Variants in FOXK1 observed in about 807,000 individuals in gnomAD.
FOXK1 encodes the protein forkhead box K1.
FOXK1 carries 19 observed loss-of-function variants against 51.9 expected under a neutral mutation model. The ratio of observed to expected loss-of-function variants is 0.37; its 90% CI spans 0.26 to 0.54. The LOEUF (loss-of-function observed/expected upper bound fraction) is 0.54. Ranked by LOEUF, FOXK1 falls within the 20% of genes least tolerant of loss-of-function variation. The probability of loss-of-function intolerance (pLI) is 0.87; values close to 1 mark genes in which losing one functional copy is unlikely to be tolerated. For synonymous variants in FOXK1, 537 were observed against 482.6 expected, an observed-to-expected ratio of 1.11 and a Z score of -1.48; for missense variants, 870 against 1,032.7, an observed-to-expected ratio of 0.84 and a Z score of 2.16.
At chr7:4,746,516 A>C (rs1316211757) in intron 2 of FOXK1, among the ~76,000 whole-genome samples, 2 of 149,176 alleles carry the variant, frequency 1.3e-5, no homozygotes, top group South Asian at 4.3e-4. Flanking sequence ...CCCCATCTCT[A>C]AAAAAAAAAA....
chr7:4,691,390 A>G (rs1245771954), intron 1 of FOXK1, among the ~76,000 whole-genome samples: 2 of 152,220 alleles, frequency 1.3e-5, no homozygotes, highest in Admixed American at 1.3e-4. Flanking sequence ...GCTGGAGTGC[A>G]GTGGTGCAAT....
rs1199155663 is a variant in FOXK1 at position 4,734,117 on chromosome 7, C to T, written c.561-6721C>T. The stretch of plus-strand genomic sequence containing the variant: ...TGTGTTTTAACCTTAGTAACCGTGC[C>T]GCCCAGCTCCTAGAAGACACGCGAC... On this transcript the variant is annotated intron_variant, in intron 1 of 8. Transcript: ENST00000328914. The surrounding 1 kb of genome is among the most constrained non-coding windows in gnomAD (Gnocchi z 5.2). Among the ~76,000 whole-genome samples, 3 of 152,168 alleles carry T rather than the reference C, an allele frequency of 2.0e-5. No homozygotes were observed. The highest frequency in any genetic ancestry group is 3.9e-4 in the East Asian group (2 of 5,182).
In FOXK1 at chr7:4,762,309, A is replaced by G. The variant is rs750121455; in HGVS notation, c.2047A>G (p.Thr683Ala). ...AAAVAATATT[T>A]PATATTASAS... is the part of the protein sequence containing the mutation. Reference sequence around the variant, plus strand: ...AGCCGTCGCGGCCACGGCCACCACCACCCCAGCCACTGCCACCACCGCCTC... The same window carrying G: ...AGCCGTCGCGGCCACGGCCACCACCGCCCCAGCCACTGCCACCACCGCCTC... Residue 683 changes from threonine to alanine, a missense_variant, in exon 9 of 9, where the codon ACC becomes GCC. Physicochemically the swap from Thr to Ala is moderately conservative, Grantham distance 58. This residue lies in a region of FOXK1 where 457 missense variants were observed against 510.8 expected (regional missense o/e 0.89). Coordinates refer to ENST00000328914, the MANE Select transcript of FOXK1 (RefSeq NM_001037165.2). This position sits in a 1 kb window ranked among gnomAD's most constrained non-coding sequence, Gnocchi z 5.7. 16 of 1,545,964 alleles carry G rather than the reference A, an allele frequency of 1.0e-5. No individual in the cohort carries two copies. The highest frequency in any genetic ancestry group is 1.4e-5 in the African/African-American group (1 of 72,744).
chr7:4,751,701 C>T (rs1411350427), intron 2 of FOXK1, among the ~76,000 whole-genome samples: 2 of 152,206 alleles, frequency 1.3e-5, no homozygotes, highest in Non-Finnish European at 2.9e-5. Context: ...CTGGAGGAGC[C>T]ATGTGAACAA....
chr7:4,724,503 C>A (rs150688594), intron 1 of FOXK1, among the ~76,000 whole-genome samples: 3 of 152,320 alleles, frequency 2.0e-5, no homozygotes, highest in African/African-American at 7.2e-5. Flanking sequence ...GCCCAGAGTT[C>A]GCTTTTTCTT....
In FOXK1 at chr7:4,711,438, G is replaced by A. The variant is rs1434372923; in HGVS notation, c.560+28570G>A. Among the ~76,000 whole-genome samples, 1 of 152,130 alleles carries A rather than the reference G, an allele frequency of 6.6e-6. No homozygotes were observed. The highest frequency in any genetic ancestry group is 2.4e-5 in the African/African-American group (1 of 41,418). ...GGAGTGATTCCTGGATGTTGAGGAG[G>A]GAGAGATCTGGAGTTAAGGAAGATG... On this transcript the variant is annotated intron_variant, in intron 1 of 8. Coordinates refer to ENST00000328914, the MANE Select transcript of FOXK1 (RefSeq NM_001037165.2). The surrounding 1 kb of genome is among the most constrained non-coding windows in gnomAD (Gnocchi z 6.3).
chr7:4,760,056 G>A (rs11981101), intron 7 of FOXK1: 2,051 of 170,808 alleles, frequency 0.012, 41 homozygotes, highest in African/African-American at 0.047. Flanking sequence ...ATGAATCTCC[G>A]CAGATGTGTC....
chr7:4,690,013 G>A lies in FOXK1; in HGVS notation c.560+7145G>A, dbSNP rs552937498. 2.0e-4 allele frequency among the ~76,000 whole-genome samples: 31 copies of A among 152,298 alleles called. 1 individual carries two copies. The South Asian group carries it at 5.8e-3, about 29-fold the overall frequency. On this transcript the variant is annotated intron_variant, in intron 1 of 8. Transcript: ENST00000328914. ...GTGAAAACTCAGGTGGTGCTGTCTC[G>A]CTTCTCCACGTGAAGGATCAGCCTG...
chr7:4,704,465 A>AG (rs1043785942), intron 1 of FOXK1, among the ~76,000 whole-genome samples: 5 of 151,786 alleles, frequency 3.3e-5, no homozygotes, highest in Admixed American at 1.3e-4. Flanking sequence ...AAAAAAAAAA[A>AG]AAAGAAAAGA....
chr7:4,682,629 G>T lies in FOXK1; in HGVS notation c.321G>T (p.Ala107=). 1 of 1,532,076 alleles carries T rather than the reference G, an allele frequency of 6.5e-7. No homozygotes were observed. The allele number at this position is 1,532,076 out of a possible 1,614,324, so 94.9% of individuals were successfully genotyped here. The change falls in exon 1 of 9, where the codon GCG becomes GCT. Residue 107 remains alanine, a synonymous_variant. Transcript: ENST00000328914. The surrounding 1 kb of genome is among the most constrained non-coding windows in gnomAD (Gnocchi z 7.6). ...GGCAGAGCCCGGGGCCGGCGCTGGC[G>T]CGGCTGGAGGGCCGCGAGTTCGAGT... ...SVRQSPGPAL[A]RLEGREFEFL... is the part of the protein sequence containing the mutation.
intron 1 of FOXK1, among the ~76,000 whole-genome samples, chr7:4,724,975 G>A (rs1780360112): frequency 6.6e-6 from 1 of 152,226 alleles, no homozygotes; most frequent in African/African-American, 2.4e-5. Flanking sequence ...GTGGGGACAG[G>A]GAGAGGAGAA....
In FOXK1 at chr7:4,731,074, G is replaced by A. The variant is rs1583199675; in HGVS notation, c.561-9764G>A. On this transcript the variant is annotated intron_variant, in intron 1 of 8. Coordinates refer to ENST00000328914, the MANE Select transcript of FOXK1 (RefSeq NM_001037165.2). This position sits in a 1 kb window ranked among gnomAD's most constrained non-coding sequence, Gnocchi z 5.3. ...TTTAAGCAAACACTGCAGGGCCTCC[G>A]GCATTCCAGTTTCAGGCCTTATCTG... 6.6e-6 allele frequency among the ~76,000 whole-genome samples: 1 copy of A among 152,158 alleles called. No individual in the cohort carries two copies. Among genetic ancestry groups the A allele is most frequent in the Non-Finnish European group, 1.5e-5 (1 of 68,028 alleles).
At chr7:4,728,325 A>G (rs114942942) in intron 1 of FOXK1, among the ~76,000 whole-genome samples, 2 of 152,236 alleles carry the variant, frequency 1.3e-5, no homozygotes, top group Non-Finnish European at 2.9e-5. Context: ...GGAATTTCCA[A>G]AGAGCACCCA....
At chr7:4,706,284 T>C (rs758769788) in intron 1 of FOXK1, among the ~76,000 whole-genome samples, 39 of 152,114 alleles carry the variant, frequency 2.6e-4, no homozygotes, top group Non-Finnish European at 5.0e-4. Context: ...CACAACTGGT[T>C]AGGGGCTTAA....
At chr7:4,697,591 A>C (rs1779969264) in intron 1 of FOXK1, among the ~76,000 whole-genome samples, 1 of 152,158 alleles carries the variant, frequency 6.6e-6, no homozygotes, top group African/African-American at 2.4e-5. Flanking sequence ...CTTCCACATC[A>C]GTGCGTTTAC....
chr7:4,755,163 C>G lies in FOXK1; in HGVS notation c.904-74C>G. On this transcript the variant is annotated intron_variant, in intron 3 of 8. Coordinates refer to ENST00000328914, the MANE Select transcript of FOXK1 (RefSeq NM_001037165.2). This position sits in a 1 kb window ranked among gnomAD's most constrained non-coding sequence, Gnocchi z 6.6. ...TTCTCGTGGGAAGGTTCCTCCCCATCAGCTGTGACGGGTGGGTGGGGTAGA... is the reference window on the plus strand; with the variant it reads ...TTCTCGTGGGAAGGTTCCTCCCCATGAGCTGTGACGGGTGGGTGGGGTAGA... The G allele has an allele frequency of 6.4e-7, 1 of 1,566,468 alleles. No homozygotes were observed. Among genetic ancestry groups the G allele is most frequent in the Non-Finnish European group, 8.7e-7 (1 of 1,150,324 alleles).
rs1346149426 is a variant in FOXK1 at position 4,706,004 on chromosome 7, GTA to G, written c.560+23143_560+23144del. Among the ~76,000 whole-genome samples, 55 of 97,286 alleles carry G rather than the reference GTA, an allele frequency of 5.7e-4. 2 individuals carry two copies. The highest frequency in any genetic ancestry group is 1.9e-3 in the East Asian group (9 of 4,746). 63.8% of individuals were successfully genotyped at this position (97,286 alleles called of 152,430 possible). A position where few individuals can be genotyped will look rare whatever the true frequency, so the allele number is the denominator to read the frequency against. ...TATACGTATATATACGTATATATAC[GTA>G]TATATACGTATATATACGTGTATAT... is the stretch of plus-strand genomic sequence containing the variant. On this transcript the variant is annotated intron_variant, in intron 1 of 8. Transcript: ENST00000328914.
intron 1 of FOXK1, among the ~76,000 whole-genome samples, chr7:4,736,915 A>G (rs1780559780): frequency 6.6e-6 from 1 of 152,162 alleles, no homozygotes; most frequent in South Asian, 2.1e-4. Context: ...TGCTCTTTGA[A>G]AGGGAGAAGT....
chr7:4,707,176 C>T lies in FOXK1; in HGVS notation c.560+24308C>T, dbSNP rs1780112430. Among the ~76,000 whole-genome samples, 1 of 152,154 alleles carries T rather than the reference C, an allele frequency of 6.6e-6. No individual in the cohort carries two copies. Among genetic ancestry groups the T allele is most frequent in the Non-Finnish European group, 1.5e-5 (1 of 68,020 alleles). On this transcript the variant is annotated intron_variant, in intron 1 of 8. Transcript: ENST00000328914. This position sits in a 1 kb window ranked among gnomAD's most constrained non-coding sequence, Gnocchi z 4.1. ...GCCCTCTTTGTTACCACCCCTGGTG[C>T]GGTGGACACAGACATTGCCCAAACA... is the stretch of plus-strand genomic sequence containing the variant.
Sources: gnomAD v4.1 joint callset for allele counts (sites outside exome capture counted in the v4.1 genomes callset) on GRCh38, gnomAD v4.1.1 for gene constraint, gnomAD v4.1.1 regional missense constraint, Gnocchi (gnomAD v3.1) non-coding constraint, MANE v1.5 for transcripts, NCBI Gene and HGNC (gene_info 2026-07-23, HGNC 2026-07-21) for gene names.